The following RAD21 variants were observed in gnomAD, a reference collection of about 807,000 sequenced individuals.
RAD21 encodes double-strand-break repair protein rad21 homolog.
Under a neutral mutation model 71.5 loss-of-function variants are expected in RAD21, and 18 were observed. The observed-to-expected ratio is 0.25, with a 90% CI of 0.17 to 0.37. The LOEUF is 0.37. RAD21 is among the 10% of genes least tolerant of loss of function. The pLI is 1.00. For synonymous variants in RAD21, 248 were observed against 254.0 expected (o/e 0.98, Z 0.22); for missense variants, 493 against 769.1 (o/e 0.64, Z 4.25).
Position 116,874,749 on chromosome 8 carries a change from C to T in RAD21, c.-171G>A, listed in dbSNP as rs1317327858. The T allele has an allele frequency of 6.6e-6, 3 of 455,638 alleles. No individual in the cohort carries two copies. Among genetic ancestry groups the T allele is most frequent in the African/African-American group, 2.0e-5 (1 of 50,042 alleles). 28.2% of individuals were successfully genotyped at this position (455,638 alleles called of 1,614,324 possible). A position where few individuals can be genotyped will look rare whatever the true frequency, so the allele number is the denominator to read the frequency against. ...CCGCCGCCGCCACAGCCGGCGCCTC[C>T]TTTCCGATTCACTCAAACAAACAAG... On this transcript the variant is annotated 5_prime_UTR_variant, in exon 1 of 14. Coordinates refer to ENST00000297338, the MANE Select transcript of RAD21 (RefSeq NM_006265.3).
chr8:116,866,430 T>C (rs1444790146), intron 2 of RAD21, among the ~76,000 whole-genome samples, 156 bp downstream of exon 2: 1 of 152,112 alleles, frequency 6.6e-6, no homozygotes, highest in African/African-American at 2.4e-5. Flanking sequence ...ATCAAGTCTA[T>C]CTAGAGGTGA....
chr8:116,869,456 G>T (rs767896218), intron 1 of RAD21, among the ~76,000 whole-genome samples: 2 of 152,150 alleles, frequency 1.3e-5, no homozygotes, highest in Non-Finnish European at 1.5e-5. Context: ...GTGGTGGCAT[G>T]TGCCCGTAAT....
At chr8:116,873,101 T>C (rs774923693) in intron 1 of RAD21, among the ~76,000 whole-genome samples, 6 of 152,246 alleles carry the variant, frequency 3.9e-5, no homozygotes, top group Admixed American at 2.0e-4. Flanking sequence ...CCAGCCAGTA[T>C]AATCATGCCT....
intron 1 of RAD21, among the ~76,000 whole-genome samples, chr8:116,869,076 A>G (rs1186483425): frequency 6.6e-6 from 1 of 152,210 alleles, no homozygotes; most frequent in Non-Finnish European, 1.5e-5. Context: ...AAATTTTGAC[A>G]CATCAAAAAC....
intron 4 of RAD21, among the ~76,000 whole-genome samples, chr8:116,859,970 T>C (rs941368607): frequency 1.3e-5 from 2 of 152,166 alleles, no homozygotes; most frequent in African/African-American, 4.8e-5. Flanking sequence ...AAAACTACCT[T>C]ATTGTTCATA....
chr8:116,873,687 C>G (rs979119328), intron 1 of RAD21, among the ~76,000 whole-genome samples: 23 of 151,774 alleles, frequency 1.5e-4, no homozygotes, highest in African/African-American at 4.8e-4. Context: ...CCAAGTAAAT[C>G]CCCCAGGGTT....
chr8:116,857,649 A>T (rs1586268767), intron 5 of RAD21, among the ~76,000 whole-genome samples, 176 bp from the exon 6 acceptor site: 2 of 152,216 alleles, frequency 1.3e-5, no homozygotes, highest in East Asian at 3.8e-4. Context: ...TTTTAAAATG[A>T]CTCAATTACA....
Position 116,852,016 on chromosome 8 carries a change from T to A in RAD21, c.1402A>T (p.Met468Leu). The A allele has an allele frequency of 6.2e-7, 1 of 1,613,316 alleles. No individual in the cohort carries two copies. Among genetic ancestry groups the A allele is most frequent in the Non-Finnish European group, 8.5e-7 (1 of 1,179,352 alleles). The part of the protein sequence containing the change: ...ASRTNIDESA[M>L]PPPPPQGVKR... ...ACTCCCTGAGGTGGTGGTGGAGGCA[T>A]AGCTGACTCATCTATGTTTGTTCTG... Residue 468 changes from methionine (M) to leucine (L), a missense_variant, in exon 11 of 14, where the codon ATG becomes TTG. Coordinates refer to ENST00000297338, the MANE Select transcript of RAD21 (RefSeq NM_006265.3).
chr8:116,849,941 T>C (rs1179963643), intron 12 of RAD21, among the ~76,000 whole-genome samples: 1 of 152,086 alleles, frequency 6.6e-6, no homozygotes, highest in African/African-American at 2.4e-5. Flanking sequence ...CACCTTATTT[T>C]AAATTTAAAG....
At chr8:116,852,170 A>G (rs1410172032) in intron 10 of RAD21, 74 bp from the exon 11 acceptor site, 1 of 1,298,210 alleles carries the variant, frequency 7.7e-7, no homozygotes, top group East Asian at 2.4e-5. Flanking sequence ...TTTATTTTTT[A>G]AACTAGTACA....
chr8:116,852,521 A>C (rs1469920117), intron 10 of RAD21, 28 bp downstream of exon 10: 5 of 1,566,510 alleles, frequency 3.2e-6, no homozygotes, highest in Non-Finnish European at 4.3e-6. Context: ...TGTGAACTTC[A>C]TCAAGGAACT....
intron 9 of RAD21, among the ~76,000 whole-genome samples, chr8:116,853,821 A>T (rs944008682): frequency 1.3e-5 from 2 of 151,914 alleles, no homozygotes; most frequent in Admixed American, 1.3e-4. Context: ...AGAGCCTATA[A>T]ATGGAAAAAC....
intron 1 of RAD21, chr8:116,867,006 T>C (rs565773866): frequency 1.6e-5 from 4 of 256,434 alleles, no homozygotes; most frequent in African/African-American, 2.2e-5. Flanking sequence ...AAGAGTCAAA[T>C]TGCTTTCATG....
intron 12 of RAD21, 135 bp downstream of exon 12, chr8:116,850,483 G>C: frequency 4.4e-6 from 6 of 1,377,664 alleles, no homozygotes; most frequent in Non-Finnish European, 5.9e-6. Context: ...GAAGAATATG[G>C]TAAAATTTTG....
chr8:116,858,552 T>C, intron 4 of RAD21, 94 bp from the exon 5 acceptor site: 1 of 922,362 alleles, frequency 1.1e-6, no homozygotes, highest in Non-Finnish European at 1.6e-6. Context: ...AAAAAATATA[T>C]ATGTATAACC....
Position 116,849,043 on chromosome 8 carries a change from AC to A in RAD21, c.1621-15del. The A allele has an allele frequency of 6.4e-7, 1 of 1,553,706 alleles. No homozygotes were observed. Among genetic ancestry groups the A allele is most frequent in the South Asian group, 1.2e-5 (1 of 80,096 alleles). ...TGCATCTTCATCCTGAATAAAAATG[AC>A]CCCCAAAAAGCTGACAAAACAAGTC... On this transcript the variant is annotated splice_polypyrimidine_tract_variant and intron_variant, in intron 12 of 13. Coordinates refer to ENST00000297338, the MANE Select transcript of RAD21 (RefSeq NM_006265.3).
chr8:116,855,256 A>C (rs1299078246), intron 8 of RAD21, among the ~76,000 whole-genome samples: 1 of 152,198 alleles, frequency 6.6e-6, no homozygotes, highest in Non-Finnish European at 1.5e-5. Flanking sequence ...CAAAAGGGTA[A>C]TCTTGCTCTA....
At chr8:116,852,310 A>G in intron 10 of RAD21, 1 of 629,272 alleles carries the variant, frequency 1.6e-6, no homozygotes, top group Non-Finnish European at 2.6e-6. Context: ...TCCTACCCTC[A>G]GTACAATGTA....
rs767210087 is a variant in RAD21 at position 116,874,741 on chromosome 8, G to C, written c.-163C>G. 8.8e-6 allele frequency: 4 copies of C among 454,538 alleles called. No individual in the cohort carries two copies. Among genetic ancestry groups the C allele is most frequent in the Non-Finnish European group, 8.9e-6 (2 of 225,822 alleles). The allele number at this position is 454,538 out of a possible 1,614,324, so 28.2% of individuals were successfully genotyped here. A position where few individuals can be genotyped will look rare whatever the true frequency, so the allele number is the denominator to read the frequency against. The stretch of plus-strand genomic sequence containing the variant: ...AGCAGCTCCCGCCGCCGCCACAGCC[G>C]GCGCCTCCTTTCCGATTCACTCAAA... On this transcript the variant is annotated 5_prime_UTR_variant, in exon 1 of 14. Transcript: ENST00000297338.
Sources: allele counts gnomAD v4.1 joint callset (sites outside exome capture counted in the v4.1 genomes callset), GRCh38; gene constraint gnomAD v4.1.1; transcripts MANE v1.5; gene names NCBI Gene and HGNC (gene_info 2026-07-23, HGNC 2026-07-21).